Variants in DGKG observed in about 807,000 individuals in gnomAD.
The protein encoded by DGKG is diacylglycerol kinase gamma, also known as DAG kinase gamma.
Under a neutral mutation model 105.3 loss-of-function variants are expected in DGKG, and 78 were observed. That is an observed-to-expected ratio of 0.74 (90% CI 0.62 to 0.89). DGKG has a LOEUF of 0.89. Among genes scored for constraint, DGKG ranks in the 40% least tolerant of loss-of-function variants. The pLI is 0.00. For missense variants in DGKG, 958 were observed against 1,020.1 expected (o/e 0.94, Z 0.83); for synonymous variants, 346 against 367.1 (o/e 0.94, Z 0.66).
At chr3:186,165,100 G>T in intron 22 of DGKG, 82 bp from the exon 23 acceptor site, 1 of 1,478,334 alleles carries the variant, frequency 6.8e-7, no homozygotes, top group Non-Finnish European at 9.1e-7. Context: ...CTGGTCCCCA[G>T]ATGGCCAATG....
intron 9 of DGKG, among the ~76,000 whole-genome samples, chr3:186,276,559 AAAT>A: frequency 6.6e-6 from 1 of 152,330 alleles, no homozygotes; most frequent in East Asian, 1.9e-4. Context: ...TACGCAGAAA[AAAT>A]AGTGAAAAGA....
chr3:186,284,523 G>A lies in DGKG; in HGVS notation c.594+137C>T, dbSNP rs560385230. 4.0e-5 allele frequency: 31 copies of A among 776,814 alleles called. No individual in the cohort carries two copies. Among genetic ancestry groups the A allele is most frequent in the South Asian group, 1.1e-4 (7 of 62,534 alleles). 48.1% of individuals were successfully genotyped at this position (776,814 alleles called of 1,614,324 possible). A position where few individuals can be genotyped will look rare whatever the true frequency, so the allele number is the denominator to read the frequency against. ...AATAGCGGGTGGAGAGGTCCTAGTC[G>A]GATTTCCTCAGCCTGCATCGAGACA... is the stretch of plus-strand genomic sequence containing the variant. On this transcript the variant is annotated intron_variant, in intron 7 of 24. Coordinates refer to ENST00000265022, the MANE Select transcript of DGKG (RefSeq NM_001346.3). This position sits in a 1 kb window ranked among gnomAD's most constrained non-coding sequence, Gnocchi z 4.0.
chr3:186,275,597 A>C lies in DGKG; in HGVS notation c.860T>G (p.Phe287Cys). The change falls in exon 10 of 25, where the codon TTC (phenylalanine) becomes TGC (cysteine). Residue 287 changes from phenylalanine to cysteine, a missense_variant. Phe to Cys is a radical substitution (Grantham distance 205, BLOSUM62 -2). Around this residue, in one of 2 missense-constraint regions of DGKG, gnomAD observed 643 missense variants for 619.5 expected, o/e 1.04. Transcript: ENST00000265022. ...KHFKKPTYCN[F>C]CHIMLMGVRK... ...GACGCCCATGAGCATGATATGGCAG[A>C]AGTTGCAGTAGGTTGGTTTCTTGAA... 6.2e-7 allele frequency: 1 copy of C among 1,614,246 alleles called. No homozygotes were observed. Among genetic ancestry groups the C allele is most frequent in the African/African-American group, 1.3e-5 (1 of 75,074 alleles).
At chr3:186,340,294 G>A (rs1296094335) in intron 1 of DGKG, among the ~76,000 whole-genome samples, 2 of 152,268 alleles carry the variant, frequency 1.3e-5, no homozygotes, top group South Asian at 2.1e-4. Flanking sequence ...TAAACTTTAT[G>A]GAAACATCTG....
chr3:186,272,127 G>C, intron 11 of DGKG, 128 bp downstream of exon 11: 1 of 704,302 alleles, frequency 1.4e-6, no homozygotes, highest in Non-Finnish European at 2.5e-6. Context: ...ATGGTTTACA[G>C]GTGGTCCTCA....
intron 11 of DGKG, 76 bp from the exon 12 acceptor site, chr3:186,268,993 A>G: frequency 9.6e-7 from 1 of 1,043,474 alleles, no homozygotes; most frequent in Non-Finnish European, 1.5e-6. Flanking sequence ...GAGGAGAAGG[A>G]TCTGGGAGGG....
intron 21 of DGKG, among the ~76,000 whole-genome samples, chr3:186,189,271 AAT>A (rs1717792714): frequency 1.3e-5 from 2 of 152,172 alleles, no homozygotes; most frequent in African/African-American, 2.4e-5. Context: ...TTCTTTATCC[AAT>A]CTCCACAACT....
chr3:186,265,360 A>G, intron 13 of DGKG, 54 bp from the exon 14 acceptor site: 4 of 1,530,474 alleles, frequency 2.6e-6, no homozygotes, highest in Non-Finnish European at 3.6e-6. Flanking sequence ...CCTAACACAA[A>G]GAAAGAGATC....
Position 186,148,626 on chromosome 3 carries a change from C to T in DGKG, c.*1464G>A, listed in dbSNP as rs944947965. On this transcript the variant is annotated 3_prime_UTR_variant, in exon 25 of 25. Transcript: ENST00000265022. ...TTAAATATCTTTGTAACGGCACCTA[C>T]TCTCAAGCTGCATTAGCCAAGACAC... is the stretch of plus-strand genomic sequence containing the variant. 40 of 985,386 alleles carry T rather than the reference C, an allele frequency of 4.1e-5. 1 individual carries two copies. In the South Asian group the frequency reaches 1.4e-3, roughly 34 times the overall value. The allele number at this position is 985,386 out of a possible 1,614,324, so 61.0% of individuals were successfully genotyped here.
chr3:186,200,811 T>C (rs912920581), intron 21 of DGKG, among the ~76,000 whole-genome samples: 2 of 152,218 alleles, frequency 1.3e-5, no homozygotes, highest in African/African-American at 4.8e-5. Flanking sequence ...GAATGCGGCA[T>C]TGAAGCCATG....
intron 2 of DGKG, 138 bp from the exon 3 acceptor site, chr3:186,307,115 T>C: frequency 1.5e-6 from 1 of 645,684 alleles, no homozygotes; most frequent in Non-Finnish European, 2.8e-6. Context: ...GTCACCCTCT[T>C]CTACCCTTTG....
chr3:186,223,238 G>C (rs1354102280), intron 20 of DGKG, among the ~76,000 whole-genome samples: 1 of 151,520 alleles, frequency 6.6e-6, no homozygotes, highest in Non-Finnish European at 1.5e-5. Flanking sequence ...CCCCGGCGGT[G>C]ACCCTGAAGT....
At chr3:186,178,135 G>A (rs1431527822) in intron 22 of DGKG, among the ~76,000 whole-genome samples, 1 of 152,156 alleles carries the variant, frequency 6.6e-6, no homozygotes, top group East Asian at 1.9e-4. Flanking sequence ...GCTTGATCTT[G>A]GACTTCCCAG....
intron 21 of DGKG, among the ~76,000 whole-genome samples, chr3:186,191,861 C>A (rs1230197858): frequency 2.6e-5 from 4 of 152,172 alleles, no homozygotes; most frequent in African/African-American, 9.7e-5. Flanking sequence ...AAAACAAAAA[C>A]TGACTCCTTT....
In DGKG at chr3:186,201,230, C is replaced by G. The variant is rs561932329; in HGVS notation, c.1917+10565G>C. Among the ~76,000 whole-genome samples the G allele has an allele frequency of 2.0e-5, 3 of 151,458 alleles. No individual in the cohort carries two copies. The East Asian group carries it at 5.8e-4, about 29-fold the overall frequency. On this transcript the variant is annotated intron_variant, in intron 21 of 24. Coordinates refer to ENST00000265022, the MANE Select transcript of DGKG (RefSeq NM_001346.3). ...CAGATTAATAGGCTTTGCTGTCTGT[C>G]TGGGAAGCTGAGGCCAACCTGGAGT...
At position 186,211,779 on chromosome 3, in the gene DGKG, C is replaced by T. The variant is rs1719051369; in HGVS notation, c.1917+16G>A. 6.2e-7 allele frequency: 1 copy of T among 1,606,248 alleles called. No individual in the cohort carries two copies. Among genetic ancestry groups the T allele is most frequent in the Non-Finnish European group, 8.5e-7 (1 of 1,172,806 alleles). The stretch of plus-strand genomic sequence containing the variant: ...AACCAAGATCCAGGAAGCCTTCTCC[C>T]CACTTGGGAACTTACCTCCAACTCA... On this transcript the variant is annotated intron_variant, in intron 21 of 24. Coordinates refer to ENST00000265022, the MANE Select transcript of DGKG (RefSeq NM_001346.3).
At chr3:186,322,428 G>A (rs1353391003) in intron 1 of DGKG, among the ~76,000 whole-genome samples, 1 of 152,164 alleles carries the variant, frequency 6.6e-6, no homozygotes. Context: ...CCTACTTGAA[G>A]GTGGAGGATG....
intron 20 of DGKG, among the ~76,000 whole-genome samples, chr3:186,233,494 T>G (rs960427303): frequency 6.6e-6 from 1 of 152,176 alleles, no homozygotes; most frequent in Non-Finnish European, 1.5e-5. Flanking sequence ...TGTTGTTGTT[T>G]TTTGAGACGG....
chr3:186,147,319 GACTA>G lies in DGKG; in HGVS notation c.*2767_*2770del. ...GAAATAAGGGATTAGGTTCTCCCCT[GACTA>G]ACCATGTGGCTTTGAGAAGTCACTA... On this transcript the variant is annotated 3_prime_UTR_variant, in exon 25 of 25. Transcript: ENST00000265022. 1.0e-6 allele frequency: 1 copy of G among 985,672 alleles called. No individual in the cohort carries two copies. The highest frequency in any genetic ancestry group is 1.2e-6 in the Non-Finnish European group (1 of 829,788). The allele number at this position is 985,672 out of a possible 1,614,324, so 61.1% of individuals were successfully genotyped here. A position where few individuals can be genotyped will look rare whatever the true frequency, so the allele number is the denominator to read the frequency against.
Sources: gnomAD v4.1 joint callset for allele counts (sites outside exome capture counted in the v4.1 genomes callset) on GRCh38, gnomAD v4.1.1 for gene constraint, gnomAD v4.1.1 regional missense constraint, Gnocchi (gnomAD v3.1) non-coding constraint, MANE v1.5 for transcripts, NCBI Gene and HGNC (gene_info 2026-07-23, HGNC 2026-07-21) for gene names.